The following SHISA9 variants were observed in gnomAD, a reference collection of about 807,000 sequenced individuals.
SHISA9 encodes protein shisa-9.
In SHISA9, 13 loss-of-function variants were observed where a neutral mutation model predicts 38.0. The observed-to-expected ratio is 0.34, with a 90% CI of 0.22 to 0.54. The LOEUF is 0.54. Ranked by LOEUF, SHISA9 falls within the 20% of genes least tolerant of loss-of-function variation. The pLI is 0.91. For synonymous variants in SHISA9, 275 were observed against 242.0 expected, an observed-to-expected ratio of 1.14 and a Z score of -1.27; for missense variants, 538 against 575.8, an observed-to-expected ratio of 0.93 and a Z score of 0.67.
At chr16:13,361,726 C>T in the SHISA9 span, among the ~76,000 whole-genome samples, 1 of 152,152 alleles carries the variant, frequency 6.6e-6, no homozygotes, top group Non-Finnish European at 1.5e-5. Flanking sequence ...ATGGTTGTTC[C>T]TTCCCATGCC....
At chr16:13,543,100 C>T in the SHISA9 span, among the ~76,000 whole-genome samples, 1 of 152,192 alleles carries the variant, frequency 6.6e-6, no homozygotes, top group Non-Finnish European at 1.5e-5. Flanking sequence ...CTGCCAGGTG[C>T]TGGGCAAGAT....
At position 13,082,071 on chromosome 16, in the gene SHISA9, A is replaced by G. The variant is rs146440405; in HGVS notation, c.692-121323A>G. 6.2e-3 allele frequency among the ~76,000 whole-genome samples: 940 copies of G among 152,304 alleles called. 8 individuals are homozygous for G. The highest frequency in any genetic ancestry group is 6.4e-3 in the Non-Finnish European group (433 of 68,030). On this transcript the variant is annotated intron_variant, in intron 2 of 4. Coordinates refer to ENST00000558583, the MANE Select transcript of SHISA9 (RefSeq NM_001145204.3). ...TCATTAAGTAACTGCTAAGGCAACA[A>G]CGACTACAACAACAACAGAACCCCC...
the SHISA9 span, among the ~76,000 whole-genome samples, chr16:13,326,843 A>G: frequency 6.6e-6 from 1 of 151,758 alleles, no homozygotes; most frequent in South Asian, 2.1e-4. Context: ...GATACCCAGC[A>G]CATAATACAT....
chr16:13,460,260 A>T, the SHISA9 span, among the ~76,000 whole-genome samples: 2 of 152,070 alleles, frequency 1.3e-5, no homozygotes, highest in Non-Finnish European at 2.9e-5. Flanking sequence ...GCAACCTCAA[A>T]ATGAGGCTGC....
the SHISA9 span, among the ~76,000 whole-genome samples, chr16:13,458,956 T>C: frequency 0.56 from 85,087 of 151,526 alleles, 24,772 homozygotes; most frequent in East Asian, 0.9. Context: ...CAACCTGCGC[T>C]TCTCAGGTTC....
At chr16:13,253,631 A>C in the SHISA9 span, among the ~76,000 whole-genome samples, 1 of 152,166 alleles carries the variant, frequency 6.6e-6, no homozygotes, top group South Asian at 2.1e-4. Context: ...CACTATGGCA[A>C]AAACAGTATG....
At chr16:13,305,104 G>C in the SHISA9 span, among the ~76,000 whole-genome samples, 3 of 152,228 alleles carry the variant, frequency 2.0e-5, no homozygotes, top group Admixed American at 6.5e-5. Flanking sequence ...GAGATATCTT[G>C]GGGATGGGGC....
intron 2 of SHISA9, among the ~76,000 whole-genome samples, chr16:13,105,364 G>A (rs1404027315): frequency 6.6e-6 from 1 of 152,218 alleles, no homozygotes; most frequent in African/African-American, 2.4e-5. Context: ...GCTGTCCCAA[G>A]TGGGTCCTGT....
chr16:13,032,206 G>A (rs2072999964), intron 2 of SHISA9, among the ~76,000 whole-genome samples: 1 of 152,024 alleles, frequency 6.6e-6, no homozygotes, highest in Admixed American at 6.6e-5. Context: ...TCTGGTATGT[G>A]ATGTTTCCCT....
the SHISA9 span, among the ~76,000 whole-genome samples, chr16:13,249,066 T>C: frequency 1.3e-5 from 2 of 152,186 alleles, no homozygotes; most frequent in Admixed American, 1.3e-4. Flanking sequence ...CAGGTGCTGG[T>C]GGTTGGAAAC....
intron 4 of SHISA9, among the ~76,000 whole-genome samples, chr16:13,222,217 T>G (rs56287019): frequency 0.47 from 71,634 of 151,758 alleles, 17,718 homozygotes; most frequent in East Asian, 0.75. Context: ...CCCAAGACAC[T>G]TGGGAATCAT....
chr16:12,983,103 A>G (rs1170853984), intron 2 of SHISA9, among the ~76,000 whole-genome samples: 2 of 152,236 alleles, frequency 1.3e-5, no homozygotes, highest in African/African-American at 4.8e-5. Flanking sequence ...GCCATTTAGA[A>G]TCAGGTTTGG....
chr16:13,152,868 A>T (rs531776391), intron 2 of SHISA9, among the ~76,000 whole-genome samples: 66 of 152,356 alleles, frequency 4.3e-4, no homozygotes, highest in Middle Eastern at 6.8e-3. Flanking sequence ...AAGGTTGGAG[A>T]TAAAATTAAA....
At chr16:12,990,289 G>T (rs1278004657) in intron 2 of SHISA9, among the ~76,000 whole-genome samples, 2 of 152,064 alleles carry the variant, frequency 1.3e-5, no homozygotes, top group African/African-American at 4.8e-5. Flanking sequence ...ATTCCTTTGG[G>T]CATATACCCA....
At chr16:13,039,697 G>A (rs1229068376) in intron 2 of SHISA9, among the ~76,000 whole-genome samples, 2 of 152,130 alleles carry the variant, frequency 1.3e-5, no homozygotes, top group Non-Finnish European at 2.9e-5. Context: ...CAAATGAGGA[G>A]TAGTTGGTGT....
At chr16:13,516,028 C>T in the SHISA9 span, among the ~76,000 whole-genome samples, 1 of 152,174 alleles carries the variant, frequency 6.6e-6, no homozygotes, top group Admixed American at 6.5e-5. Context: ...CCATCAGTTG[C>T]CTGTGACTTA....
intron 2 of SHISA9, among the ~76,000 whole-genome samples, chr16:13,064,124 T>C (rs556003297): frequency 6.6e-6 from 1 of 152,244 alleles, no homozygotes; most frequent in Admixed American, 6.5e-5. Flanking sequence ...AGGCTGGACT[T>C]GAACTCCTGG....
the SHISA9 span, among the ~76,000 whole-genome samples, chr16:13,383,784 G>A: frequency 2.6e-5 from 4 of 152,098 alleles, no homozygotes; most frequent in Admixed American, 6.5e-5. Context: ...CGAGTAGCTG[G>A]GACCATAGGC....
At chr16:13,197,152 TATATAG>T (rs2142047472) in intron 2 of SHISA9, among the ~76,000 whole-genome samples, 2 of 131,380 alleles carry the variant, frequency 1.5e-5, no homozygotes, top group South Asian at 4.8e-4. Flanking sequence ...TGTGTATATA[TATATAG>T]AGAGAGAGAG....
Sources: allele counts gnomAD v4.1 joint callset (sites outside exome capture counted in the v4.1 genomes callset), GRCh38; gene constraint gnomAD v4.1.1; transcripts MANE v1.5; gene names NCBI Gene and HGNC (gene_info 2026-07-23, HGNC 2026-07-21).